Variants in CCDC171 observed in about 807,000 individuals in gnomAD.
The protein encoded by CCDC171 is coiled-coil domain containing 171.
A neutral mutation model predicts 168.2 loss-of-function variants in CCDC171; 177 were observed. The observed-to-expected ratio is 1.05, with a 90% confidence interval of 0.93 to 1.19. The LOEUF (loss-of-function observed/expected upper bound fraction) is 1.19. CCDC171 is among the 50% of genes most tolerant of loss of function. The pLI, the probability that CCDC171 is intolerant of heterozygous loss-of-function variation, is 0.00. For missense variants in CCDC171, 1,991 were observed against 1,539.0 expected, an observed-to-expected ratio of 1.29 and a Z score of -4.91; for synonymous variants, 687 against 540.8, an observed-to-expected ratio of 1.27 and a Z score of -3.75.
intron 6 of CCDC171, among the ~76,000 whole-genome samples, chr9:15,619,725 A>C (rs1311698455): frequency 6.6e-6 from 1 of 152,242 alleles, no homozygotes; most frequent in African/African-American, 2.4e-5. Flanking sequence ...TTTTCATTGC[A>C]GACAAAACAA....
chr9:15,771,028 A>C (rs2056984910), intron 18 of CCDC171, among the ~76,000 whole-genome samples: 1 of 152,202 alleles, frequency 6.6e-6, no homozygotes, highest in Non-Finnish European at 1.5e-5. Context: ...AATAAAATAA[A>C]TCTATATCAT....
rs148040344 is a variant in CCDC171, at chr9:15,874,606, C to G, written c.3543C>G (p.His1181Gln). 6.2e-7 allele frequency: 1 copy of G among 1,606,448 alleles called. No homozygotes were observed. Among genetic ancestry groups the G allele is most frequent in the Admixed American group, 1.7e-5 (1 of 59,038 alleles). Residue 1181 changes from histidine (H) to glutamine (Q), a missense_variant, in exon 24 of 26, where the codon CAC becomes CAG. Coordinates refer to ENST00000380701, the MANE Select transcript of CCDC171 (RefSeq NM_173550.4). Reference protein sequence around the residue: ...NDFTLQLPKLHLETFAMEGLK... With the variant: ...NDFTLQLPKLQLETFAMEGLK... The stretch of plus-strand genomic sequence containing the variant: ...TCACCCTACAGCTACCCAAACTGCA[C>G]CTGGAGACCTTTGCAATGGAGGGGC...
chr9:16,017,594 C>G (rs1467568028), intron 3 of CCDC171, among the ~76,000 whole-genome samples: 1 of 152,100 alleles, frequency 6.6e-6, no homozygotes, highest in Admixed American at 6.6e-5. Flanking sequence ...TACCAAAAAG[C>G]TTATACTTAA....
chr9:16,017,994 G>A (rs1833072175), intron 3 of CCDC171, among the ~76,000 whole-genome samples: 2 of 152,156 alleles, frequency 1.3e-5, no homozygotes, highest in Admixed American at 6.5e-5. Flanking sequence ...CACAAAACAT[G>A]CCCTTATCTC....
chr9:16,000,179 G>A (rs907054876), intron 3 of CCDC171, among the ~76,000 whole-genome samples: 2 of 152,144 alleles, frequency 1.3e-5, no homozygotes, highest in Non-Finnish European at 2.9e-5. Flanking sequence ...TCCTCATTGT[G>A]AAATCCAAAA....
intron 24 of CCDC171, among the ~76,000 whole-genome samples, chr9:15,884,965 T>C (rs1819193272): frequency 6.6e-6 from 1 of 152,210 alleles, no homozygotes; most frequent in African/African-American, 2.4e-5. Context: ...AAAAATAATA[T>C]GTTCAACAAC....
intron 7 of CCDC171, among the ~76,000 whole-genome samples, chr9:15,641,477 T>G (rs1321279044): frequency 1.3e-5 from 2 of 152,218 alleles, no homozygotes; most frequent in Non-Finnish European, 2.9e-5. Flanking sequence ...TTTCATAACT[T>G]TTGTGAAACT....
At chr9:15,647,832 G>A (rs564996121) in intron 7 of CCDC171, among the ~76,000 whole-genome samples, 3 of 152,104 alleles carry the variant, frequency 2.0e-5, no homozygotes, top group African/African-American at 7.2e-5. Flanking sequence ...GGAGGAGTTG[G>A]TACCATTCCT....
At chr9:15,578,288 G>A (rs1052884585) in intron 3 of CCDC171, among the ~76,000 whole-genome samples, 8 of 149,828 alleles carry the variant, frequency 5.3e-5, no homozygotes, top group Non-Finnish European at 3.0e-5. Flanking sequence ...AGGATGGAGT[G>A]CAGTGGCATG....
At chr9:15,726,682 G>T (rs1329794399) in intron 14 of CCDC171, among the ~76,000 whole-genome samples, 2 of 151,980 alleles carry the variant, frequency 1.3e-5, no homozygotes, top group Non-Finnish European at 2.9e-5. Flanking sequence ...TTTGATATTT[G>T]TAAGAAAATG....
At chr9:15,900,056 A>G (rs1821413936) in intron 24 of CCDC171, among the ~76,000 whole-genome samples, 1 of 152,192 alleles carries the variant, frequency 6.6e-6, no homozygotes, top group East Asian at 1.9e-4. Flanking sequence ...GGCTGCAGTA[A>G]TCAGAATTCT....
Position 15,633,045 on chromosome 9 carries a change from G to A in CCDC171, c.822+9632G>A, listed in dbSNP as rs137983864. Reference sequence around the variant, plus strand: ...TTCAAGATGGATTAAAGACTTAAACGTTAGACCTAAAATCATAGAAACCCT... The same window carrying A: ...TTCAAGATGGATTAAAGACTTAAACATTAGACCTAAAATCATAGAAACCCT... On this transcript the variant is annotated intron_variant, in intron 7 of 25. Transcript: ENST00000380701. 2.2e-3 allele frequency among the ~76,000 whole-genome samples: 332 copies of A among 152,250 alleles called. 2 individuals are homozygous for A. The highest frequency in any genetic ancestry group is 7.4e-3 in the African/African-American group (309 of 41,538).
chr9:16,024,636 T>C (rs926485226), intron 6 of CCDC171, among the ~76,000 whole-genome samples: 17 of 152,332 alleles, frequency 1.1e-4, no homozygotes, highest in African/African-American at 3.8e-4. Flanking sequence ...TTCTGCTGCA[T>C]GCAGCCAGCA....
chr9:15,945,808 G>T (rs10962231), intron 25 of CCDC171, among the ~76,000 whole-genome samples: 1 of 151,738 alleles, frequency 6.6e-6, no homozygotes, highest in African/African-American at 2.4e-5. Flanking sequence ...AGGTTGCGAA[G>T]ATTTTCTCCC....
chr9:15,823,238 A>C (rs547618340), intron 21 of CCDC171, among the ~76,000 whole-genome samples: 1 of 152,144 alleles, frequency 6.6e-6, no homozygotes, highest in South Asian at 2.1e-4. Context: ...GACGAGATAA[A>C]GGGTGCAGCA....
At chr9:16,044,588 A>G (rs1325046021) in intron 1 of CCDC171, among the ~76,000 whole-genome samples, 1 of 149,820 alleles carries the variant, frequency 6.7e-6, no homozygotes, top group Non-Finnish European at 1.5e-5. Context: ...TCTGCAAGTG[A>G]TACATCCTGT....
downstream of CCDC171, among the ~76,000 whole-genome samples, chr9:15,978,212 C>T (rs978008075): frequency 6.6e-6 from 1 of 152,170 alleles, no homozygotes; most frequent in Non-Finnish European, 1.5e-5. Context: ...AGCACCACTT[C>T]GGTTTTCCTT....
chr9:15,793,103 G>T (rs2058354674), intron 21 of CCDC171, among the ~76,000 whole-genome samples: 1 of 151,996 alleles, frequency 6.6e-6, no homozygotes, highest in Admixed American at 6.6e-5. Context: ...GACACACATA[G>T]GCTCAAAATA....
chr9:15,971,539 T>C, intron 25 of CCDC171, 70 bp from the exon 26 acceptor site: 1 of 965,866 alleles, frequency 1.0e-6, no homozygotes, highest in Non-Finnish European at 1.6e-6. Context: ...ACTTGCCTGT[T>C]TATGGTTTTA....
Sources: gnomAD v4.1 joint callset for allele counts (sites outside exome capture counted in the v4.1 genomes callset) on GRCh38, gnomAD v4.1.1 for gene constraint, MANE v1.5 for transcripts, NCBI Gene and HGNC (gene_info 2026-07-23, HGNC 2026-07-21) for gene names.